NRXN3: variants seen among roughly 807,000 people sequenced by gnomAD.
NRXN3 encodes neurexin III.
In NRXN3, 32 loss-of-function variants were observed where a neutral mutation model predicts 137.6. That is an observed-to-expected ratio of 0.23 (90% CI 0.18 to 0.31). NRXN3 has a LOEUF of 0.31. Ranked by LOEUF, NRXN3 falls within the 10% of genes least tolerant of loss-of-function variation. The pLI, the probability that NRXN3 is intolerant of heterozygous loss-of-function variation, is 1.00. For missense variants in NRXN3, 1,574 were observed against 2,062.5 expected, an observed-to-expected ratio of 0.76 and a Z score of 4.59; for synonymous variants, 798 against 784.5, an observed-to-expected ratio of 1.02 and a Z score of -0.29.
intron 15 of NRXN3, among the ~76,000 whole-genome samples, chr14:79,285,799 T>C (rs980217518): frequency 2.6e-5 from 4 of 152,182 alleles, no homozygotes; most frequent in Admixed American, 1.3e-4. Context: ...CTTTGACATA[T>C]GAATTTTGAA....
chr14:78,340,131 A>G (rs1231721701), intron 4 of NRXN3, among the ~76,000 whole-genome samples: 1 of 152,166 alleles, frequency 6.6e-6, no homozygotes, highest in Non-Finnish European at 1.5e-5. Context: ...ATATCCGTTC[A>G]TCAAAAGCAT....
At chr14:78,289,878 C>T (rs2075621021) in intron 3 of NRXN3, among the ~76,000 whole-genome samples, 1 of 152,182 alleles carries the variant, frequency 6.6e-6, no homozygotes, top group Non-Finnish European at 1.5e-5. Flanking sequence ...TGTGCCACTG[C>T]ACTCCAGCCT....
At chr14:79,481,422 C>A (rs1043879138) in intron 16 of NRXN3, among the ~76,000 whole-genome samples, 2 of 152,282 alleles carry the variant, frequency 1.3e-5, no homozygotes, top group Admixed American at 1.3e-4. Flanking sequence ...AGTGTACTTA[C>A]ACAAACCTAG....
At chr14:79,430,245 T>A (rs2095726197) in intron 15 of NRXN3, among the ~76,000 whole-genome samples, 1 of 152,198 alleles carries the variant, frequency 6.6e-6, no homozygotes, top group South Asian at 2.1e-4. Context: ...TTGTGAAGCC[T>A]CCTTATATCT....
chr14:78,754,039 A>G (rs2098655914), intron 8 of NRXN3, among the ~76,000 whole-genome samples: 1 of 152,234 alleles, frequency 6.6e-6, no homozygotes, highest in Admixed American at 6.5e-5. Context: ...GCTCCATGAC[A>G]AGGGTGTGAG....
At chr14:78,397,405 A>AT (rs2091575771) in intron 4 of NRXN3, among the ~76,000 whole-genome samples, 1 of 146,780 alleles carries the variant, frequency 6.8e-6, no homozygotes, top group African/African-American at 2.7e-5. Flanking sequence ...CAATTAATTG[A>AT]TTTTTCTCCC....
intron 19 of NRXN3, among the ~76,000 whole-genome samples, chr14:79,702,894 T>C (rs1567942957): frequency 6.6e-6 from 1 of 150,710 alleles, no homozygotes; most frequent in Non-Finnish European, 1.5e-5. Flanking sequence ...AACAAGTCTT[T>C]TACCTTATGT....
intron 10 of NRXN3, among the ~76,000 whole-genome samples, chr14:78,811,223 T>C (rs1270402480): frequency 6.6e-6 from 1 of 152,224 alleles, no homozygotes; most frequent in South Asian, 2.1e-4. Flanking sequence ...AAAGAAGGTT[T>C]TATTTCTTGT....
chr14:79,628,885 C>G (rs939735151), intron 16 of NRXN3, among the ~76,000 whole-genome samples: 3 of 152,232 alleles, frequency 2.0e-5, no homozygotes, highest in Admixed American at 6.5e-5. Flanking sequence ...GAATGAGTCC[C>G]CCAACACTGG....
intron 15 of NRXN3, among the ~76,000 whole-genome samples, chr14:79,392,689 T>C (rs1478353574): frequency 6.6e-6 from 1 of 151,858 alleles, no homozygotes; most frequent in East Asian, 1.9e-4. Context: ...AGTCAGGAAA[T>C]GGCCAGGTGT....
chr14:79,011,283 G>T (rs2099570458), intron 15 of NRXN3, among the ~76,000 whole-genome samples: 1 of 151,952 alleles, frequency 6.6e-6, no homozygotes, highest in Non-Finnish European at 1.5e-5. Context: ...AAAAGATCTG[G>T]TGTAAAAGTG....
intron 4 of NRXN3, among the ~76,000 whole-genome samples, chr14:78,482,969 G>C (rs767836963): frequency 5.3e-5 from 8 of 152,078 alleles, no homozygotes; most frequent in Non-Finnish European, 1.0e-4. Context: ...ATGTGTTCTA[G>C]TACCCATCTT....
chr14:79,744,392 C>G (rs1172539240), intron 19 of NRXN3, among the ~76,000 whole-genome samples: 1 of 148,392 alleles, frequency 6.7e-6, no homozygotes, highest in Admixed American at 6.8e-5. Context: ...TCTTCTTCAC[C>G]TTTCTATCCA....
chr14:79,057,788 A>G (rs1255209874), intron 15 of NRXN3, among the ~76,000 whole-genome samples: 4 of 152,094 alleles, frequency 2.6e-5, no homozygotes. Context: ...CAGTGAGTGG[A>G]GTGATTGCCA....
At chr14:79,056,851 C>A (rs974903005) in intron 15 of NRXN3, among the ~76,000 whole-genome samples, 33 of 152,314 alleles carry the variant, frequency 2.2e-4, no homozygotes, top group African/African-American at 7.7e-4. Flanking sequence ...CCAAATGGCA[C>A]CACTGCCAGT....
intron 6 of NRXN3, among the ~76,000 whole-genome samples, chr14:78,651,652 A>G (rs1207296431): frequency 2.0e-5 from 3 of 152,230 alleles, no homozygotes; most frequent in Non-Finnish European, 2.9e-5. Context: ...CAATCATGGC[A>G]GAAGGCAAGG....
At chr14:78,564,974 G>A (rs1236375652) in intron 4 of NRXN3, among the ~76,000 whole-genome samples, 1 of 152,134 alleles carries the variant, frequency 6.6e-6, no homozygotes, top group Non-Finnish European at 1.5e-5. Context: ...TTTCTAAAGT[G>A]CTCAGCAGCA....
At chr14:79,537,034 C>A (rs1380616089) in intron 16 of NRXN3, among the ~76,000 whole-genome samples, 1 of 152,138 alleles carries the variant, frequency 6.6e-6, no homozygotes, top group Non-Finnish European at 1.5e-5. Context: ...GGAATTGCCA[C>A]ACTGTTTTCC....
chr14:78,645,163 G>A lies in NRXN3; in HGVS notation c.801G>A (p.Leu267=). 2 of 1,587,388 alleles carry A rather than the reference G, an allele frequency of 1.3e-6. No individual in the cohort carries two copies. The highest frequency in any genetic ancestry group is 1.7e-6 in the Non-Finnish European group (2 of 1,174,154). Residue 267 remains leucine (L), a synonymous_variant, in exon 5 of 21, where the codon CTG becomes CTA. Transcript: ENST00000335750. ...CCACTTTCCGAGGCTCAGAGTATCT[G>A]TGCTACGACCTGTCTCAGAACCCGA... ...NVATFRGSEY[L]CYDLSQNPIQ...
Sources: gnomAD v4.1 joint callset for allele counts (sites outside exome capture counted in the v4.1 genomes callset) on GRCh38, gnomAD v4.1.1 for gene constraint, MANE v1.5 for transcripts, NCBI Gene and HGNC (gene_info 2026-07-23, HGNC 2026-07-21) for gene names.